VASN: variants seen among roughly 807,000 people sequenced by gnomAD.
The protein encoded by VASN is vasorin.
VASN carries 5 observed loss-of-function variants against 4.8 expected under a neutral mutation model. The observed-to-expected ratio is 1.03, with a 90% CI of 0.54 to 2.17. The LOEUF is 2.17. VASN is among the 30% of genes most tolerant of loss of function. The probability of loss-of-function intolerance (pLI) is 0.01; values close to 1 mark genes in which losing one functional copy is unlikely to be tolerated. For synonymous variants in VASN, 499 were observed against 460.8 expected (o/e 1.08, Z -1.06); for missense variants, 927 against 948.8 (o/e 0.98, Z 0.30).
In VASN at chr16:4,381,505, G is replaced by A. The variant is rs2054962102; in HGVS notation, c.628G>A (p.Gly210Arg). The change falls in exon 2 of 2, where the codon GGG (glycine) becomes AGG (arginine). Residue 210 changes from glycine (G) to arginine (R), a missense_variant. By Grantham distance (125) the Gly-to-Arg change is moderately radical. Coordinates refer to ENST00000304735, the MANE Select transcript of VASN (RefSeq NM_138440.3). ...AGLGLQQLDE[G>R]LFSRLRNLHD... The stretch of plus-strand genomic sequence containing the variant: ...TCTGGGGCTGCAGCAGCTGGACGAG[G>A]GGCTCTTCAGCCGCTTGCGCAACCT... 2 of 1,593,628 alleles carry A rather than the reference G, an allele frequency of 1.3e-6. No homozygotes were observed. Among genetic ancestry groups the A allele is most frequent in the Admixed American group, 1.7e-5 (1 of 57,254 alleles).
intron 1 of VASN, among the ~76,000 whole-genome samples, chr16:4,375,735 AC>A (rs1415856552): frequency 6.6e-6 from 1 of 152,122 alleles, no homozygotes; most frequent in East Asian, 1.9e-4. Flanking sequence ...TGATCGTCCT[AC>A]CTCGGCCTCC....
Position 4,382,383 on chromosome 16 carries a change from G to T in VASN, c.1506G>T (p.Ser502=), listed in dbSNP as rs753432185. Residue 502 remains serine (S), a synonymous_variant, in exon 2 of 2, where the codon TCG becomes TCT. Transcript: ENST00000304735. The part of the protein sequence containing the change: ...RSLRLTYRNL[S]GPDKRLVTLR... ...TCCGTCTCACCTATCGCAACCTATC[G>T]GGCCCTGATAAGCGGCTGGTGACGC... is the stretch of plus-strand genomic sequence containing the variant. 1 of 1,612,252 alleles carries T rather than the reference G, an allele frequency of 6.2e-7. No homozygotes were observed. The highest frequency in any genetic ancestry group is 1.3e-5 in the African/African-American group (1 of 75,052).
Position 4,381,855 on chromosome 16 carries a change from G to A in VASN, c.978G>A (p.Thr326=), listed in dbSNP as rs141060885. 562 of 1,602,430 alleles carry A rather than the reference G, an allele frequency of 3.5e-4. 2 individuals carry two copies. In the African/African-American group the frequency reaches 6.7e-3, roughly 19 times the overall value. Residue 326 remains threonine (T), a synonymous_variant, in exon 2 of 2, where the codon ACG becomes ACA. Coordinates refer to ENST00000304735, the MANE Select transcript of VASN (RefSeq NM_138440.3). ...TCACACTGGCCAGCCCTGAGGAGAC[G>A]CGCTGCCACTTCCCGCCCAAGAACG... ...SHVTLASPEE[T]RCHFPPKNAG...
At chr16:4,376,122 T>C (rs1416265800) in intron 1 of VASN, among the ~76,000 whole-genome samples, 1 of 152,162 alleles carries the variant, frequency 6.6e-6, no homozygotes. Context: ...CCGCAGTCCC[T>C]GAGGAACTCG....
chr16:4,380,384 C>T (rs1426063290), intron 1 of VASN, among the ~76,000 whole-genome samples: 1 of 152,238 alleles, frequency 6.6e-6, no homozygotes, highest in African/African-American at 2.4e-5. Context: ...ATTCCCTCCT[C>T]CAAGGAGGGC....
At chr16:4,377,221 C>T (rs968810575) in intron 1 of VASN, among the ~76,000 whole-genome samples, 3 of 152,136 alleles carry the variant, frequency 2.0e-5, no homozygotes, top group East Asian at 1.9e-4. Flanking sequence ...TCCCACCCCC[C>T]GACGTCCCCG....
Position 4,383,285 on chromosome 16 carries a change from C to T in VASN, c.*386C>T, listed in dbSNP as rs557936357. 5.1e-5 allele frequency: 12 copies of T among 234,576 alleles called. No homozygotes were observed. Among genetic ancestry groups the T allele is most frequent in the African/African-American group, 2.3e-4 (10 of 44,094 alleles). 14.5% of individuals were successfully genotyped at this position (234,576 alleles called of 1,614,324 possible). A position where few individuals can be genotyped will look rare whatever the true frequency, so the allele number is the denominator to read the frequency against. On this transcript the variant is annotated 3_prime_UTR_variant, in exon 2 of 2. Transcript: ENST00000304735. ...GCTCCCGGAAAGAGCAGAGGGAGAG[C>T]GGGTAGGCGGCTGTGTGACTCTAGT...
At position 4,371,870 on chromosome 16, in the gene VASN, G is replaced by A. The variant is rs961834372; in HGVS notation, c.-133G>A. The A allele has an allele frequency of 3.9e-5, 6 of 152,164 alleles. No individual in the cohort carries two copies. Among genetic ancestry groups the A allele is most frequent in the Non-Finnish European group, 8.8e-5 (6 of 67,996 alleles). 9.4% of individuals were successfully genotyped at this position (152,164 alleles called of 1,614,324 possible). A position where few individuals can be genotyped will look rare whatever the true frequency, so the allele number is the denominator to read the frequency against. ...GCCGACTCCGGAGCCCGAGCCCGGG[G>A]CGGGTGGACGCGGACTCGAACGCAG... On this transcript the variant is annotated 5_prime_UTR_variant, in exon 1 of 2. Coordinates refer to ENST00000304735, the MANE Select transcript of VASN (RefSeq NM_138440.3).
At chr16:4,380,620 G>T (rs2054922078) in intron 1 of VASN, among the ~76,000 whole-genome samples, 1 of 152,078 alleles carries the variant, frequency 6.6e-6, no homozygotes, top group Admixed American at 6.5e-5. Context: ...AGCAGTGCAT[G>T]GTCACTGCAC....
chr16:4,375,368 A>G (rs1229655478), intron 1 of VASN, among the ~76,000 whole-genome samples: 2 of 152,204 alleles, frequency 1.3e-5, no homozygotes, highest in Non-Finnish European at 2.9e-5. Flanking sequence ...CAGGAAGACG[A>G]GCTGACATCC....
At chr16:4,374,852 C>T (rs908609291) in intron 1 of VASN, among the ~76,000 whole-genome samples, 4 of 152,138 alleles carry the variant, frequency 2.6e-5, no homozygotes, top group African/African-American at 7.2e-5. Context: ...TTAGGGCTGG[C>T]GGCCTTCCTT....
chr16:4,382,791 A>C lies in VASN; in HGVS notation c.1914A>C (p.Thr638=), dbSNP rs767981466. 1.6e-5 allele frequency: 26 copies of C among 1,585,884 alleles called. No homozygotes were observed. The highest frequency in any genetic ancestry group is 2.7e-5 in the African/African-American group (2 of 74,340). Residue 638 remains threonine (T), a synonymous_variant, in exon 2 of 2, where the codon ACA becomes ACC. Coordinates refer to ENST00000304735, the MANE Select transcript of VASN (RefSeq NM_138440.3). The part of the protein sequence containing the change: ...KVPLEPGPKA[T]EGGGEALPSG... Reference sequence around the variant, plus strand: ...CCTTGGAGCCAGGCCCGAAGGCAACAGAGGGCGGTGGAGAGGCCCTGCCCA... The same window carrying C: ...CCTTGGAGCCAGGCCCGAAGGCAACCGAGGGCGGTGGAGAGGCCCTGCCCA...
chr16:4,381,600 G>C lies in VASN; in HGVS notation c.723G>C (p.Leu241=), dbSNP rs1381410897. 3 of 1,600,118 alleles carry C rather than the reference G, an allele frequency of 1.9e-6. No individual in the cohort carries two copies. Among genetic ancestry groups the C allele is most frequent in the Non-Finnish European group, 2.6e-6 (3 of 1,174,042 alleles). The change falls in exon 2 of 2, where the codon CTG becomes CTC. Residue 241 remains leucine, a synonymous_variant. Transcript: ENST00000304735. ...CTGTGATCCGAGGCCTCCGGGGCCT[G>C]ACGCGCCTGCGGCTGGCCGGCAACA... ...VPPVIRGLRG[L]TRLRLAGNTR...
intron 1 of VASN, among the ~76,000 whole-genome samples, chr16:4,378,364 C>T (rs927329815): frequency 6.6e-6 from 1 of 152,134 alleles, no homozygotes; most frequent in Non-Finnish European, 1.5e-5. Flanking sequence ...AGGCTGGCCA[C>T]GTGGAGGATC....
At chr16:4,373,963 C>T (rs746097620) in intron 1 of VASN, among the ~76,000 whole-genome samples, 12 of 152,206 alleles carry the variant, frequency 7.9e-5, no homozygotes, top group Non-Finnish European at 1.2e-4. Flanking sequence ...CTGGACCCCC[C>T]ATCAGCTGCC....
rs142075272 is a variant in VASN, at chr16:4,379,771, G to A, written c.-9-1098G>A. Among the ~76,000 whole-genome samples the A allele has an allele frequency of 3.1e-3, 472 of 151,896 alleles. 2 individuals carry two copies. Among genetic ancestry groups the A allele is most frequent in the African/African-American group, 0.011 (441 of 41,424 alleles). On this transcript the variant is annotated intron_variant, in intron 1 of 1. Transcript: ENST00000304735. Reference sequence around the variant, plus strand: ...AGAAACAGTAGACGAAGCCGGGCACGGTGGCTCATGCCTGTAATCCCAGCA... The same window carrying A: ...AGAAACAGTAGACGAAGCCGGGCACAGTGGCTCATGCCTGTAATCCCAGCA...
chr16:4,381,966 C>A lies in VASN; in HGVS notation c.1089C>A (p.Pro363=). 6.2e-7 allele frequency: 1 copy of A among 1,608,310 alleles called. No individual in the cohort carries two copies. ...CAGCCACAGTGCCCACCACGAGGCC[C>A]GTGGTGCGGGAGCCCACAGCCTTGT... is the stretch of plus-strand genomic sequence containing the variant. ...TTTATVPTTR[P]VVREPTALSS... is the part of the protein sequence containing the mutation. The change falls in exon 2 of 2, where the codon CCC becomes CCA. Residue 363 remains proline (P), a synonymous_variant. Transcript: ENST00000304735.
rs563318292 is a variant in VASN at position 4,381,255 on chromosome 16, C to T, written c.378C>T (p.Leu126=). Residue 126 remains leucine (L), a synonymous_variant, in exon 2 of 2, where the codon CTC becomes CTT. Coordinates refer to ENST00000304735, the MANE Select transcript of VASN (RefSeq NM_138440.3). The stretch of plus-strand genomic sequence containing the variant: ...AGACCTTCCGTGGCCTGCGGCGCCT[C>T]GAGCGCCTCTACCTGGGCAAGAACC... ...TNETFRGLRR[L]ERLYLGKNRI... 1.4e-5 allele frequency: 22 copies of T among 1,611,570 alleles called. No homozygotes were observed. The highest frequency in any genetic ancestry group is 1.6e-4 in the Middle Eastern group (1 of 6,062).
rs767155227 is a variant in VASN, at chr16:4,381,231, G to C, written c.354G>C (p.Glu118Asp). The change falls in exon 2 of 2, where the codon GAG becomes GAC. Residue 118 changes from glutamate (E) to aspartate (D), a missense_variant. Physicochemically the swap from Glu to Asp is conservative, Grantham distance 45. Coordinates refer to ENST00000304735, the MANE Select transcript of VASN (RefSeq NM_138440.3). ...ACAGGCTGCATGAAATCACCAATGAGACCTTCCGTGGCCTGCGGCGCCTCG... is the reference window on the plus strand; with the variant it reads ...ACAGGCTGCATGAAATCACCAATGACACCTTCCGTGGCCTGCGGCGCCTCG... ...TANRLHEITNETFRGLRRLER... is the reference protein window; with the variant it reads ...TANRLHEITNDTFRGLRRLER... The C allele has an allele frequency of 6.2e-7, 1 of 1,612,094 alleles. No homozygotes were observed. Among genetic ancestry groups the C allele is most frequent in the Non-Finnish European group, 8.5e-7 (1 of 1,179,604 alleles).
Sources: allele counts gnomAD v4.1 joint callset (sites outside exome capture counted in the v4.1 genomes callset), GRCh38; gene constraint gnomAD v4.1.1; transcripts MANE v1.5; gene names NCBI Gene and HGNC (gene_info 2026-07-23, HGNC 2026-07-21).